Variants in PHKB observed in about 807,000 individuals in gnomAD.
PHKB encodes the protein phosphorylase b kinase regulatory subunit beta.
PHKB carries 122 observed loss-of-function variants against 152.1 expected under a neutral mutation model. That is an observed-to-expected ratio of 0.80 (90% CI 0.69 to 0.93). PHKB has a LOEUF of 0.93. PHKB is among the 40% of genes least tolerant of loss of function. PHKB has a pLI of 0.00. For missense variants in PHKB, 1,304 were observed against 1,328.4 expected, an observed-to-expected ratio of 0.98 and a Z score of 0.29; for synonymous variants, 436 against 464.9, an observed-to-expected ratio of 0.94 and a Z score of 0.80.
At chr16:47,638,438 C>A (rs1463381698) in intron 14 of PHKB, among the ~76,000 whole-genome samples, 1 of 152,210 alleles carries the variant, frequency 6.6e-6, no homozygotes, top group Non-Finnish European at 1.5e-5. Context: ...ACTTTGTTCT[C>A]TCCCTAAGTC....
intron 1 of PHKB, among the ~76,000 whole-genome samples, chr16:47,478,705 C>T (rs1057347818): frequency 1.3e-5 from 2 of 151,912 alleles, no homozygotes; most frequent in African/African-American, 4.8e-5. Context: ...GTGGTAAATG[C>T]TCTGATATTG....
chr16:47,497,203 T>C (rs1970246353), intron 1 of PHKB, among the ~76,000 whole-genome samples, 196 bp from the exon 2 acceptor site: 1 of 152,176 alleles, frequency 6.6e-6, no homozygotes, highest in African/African-American at 2.4e-5. Flanking sequence ...TTCAAGTTCT[T>C]CTGTATTTAT....
intron 6 of PHKB, among the ~76,000 whole-genome samples, chr16:47,521,138 C>T (rs141238998): frequency 5.3e-5 from 8 of 152,202 alleles, no homozygotes; most frequent in Admixed American, 6.5e-5. Flanking sequence ...AAGCTTTAAT[C>T]GTTTTTATGA....
intron 12 of PHKB, among the ~76,000 whole-genome samples, chr16:47,595,453 A>G (rs1477755494): frequency 2.0e-5 from 3 of 152,210 alleles, no homozygotes; most frequent in Non-Finnish European, 4.4e-5. Flanking sequence ...TATATCATCC[A>G]CAAAGATTCT....
intron 14 of PHKB, among the ~76,000 whole-genome samples, chr16:47,615,188 C>T (rs1972493751): frequency 6.6e-6 from 1 of 152,132 alleles, no homozygotes; most frequent in South Asian, 2.1e-4. Flanking sequence ...CTACCAGGCT[C>T]AGGTGACATG....
At chr16:47,572,900 G>A (rs1239164700) in intron 7 of PHKB, among the ~76,000 whole-genome samples, 2 of 152,196 alleles carry the variant, frequency 1.3e-5, no homozygotes, top group African/African-American at 4.8e-5. Flanking sequence ...AGAGGGCTGT[G>A]TCAGTTGACC....
At chr16:47,689,534 TG>T (rs1974024394) in intron 27 of PHKB, among the ~76,000 whole-genome samples, 1 of 152,188 alleles carries the variant, frequency 6.6e-6, no homozygotes, top group Non-Finnish European at 1.5e-5. Flanking sequence ...CAGATAGGAT[TG>T]GGTTTGGTAA....
At chr16:47,670,071 A>G (rs572999469) in intron 26 of PHKB, among the ~76,000 whole-genome samples, 1 of 152,322 alleles carries the variant, frequency 6.6e-6, no homozygotes, top group South Asian at 2.1e-4. Flanking sequence ...CTTTAATACC[A>G]GTTTGTTTGT....
chr16:47,503,211 G>C (rs1970353556), intron 4 of PHKB, 121 bp downstream of exon 4: 5 of 778,588 alleles, frequency 6.4e-6, no homozygotes, highest in Non-Finnish European at 1.1e-5. Flanking sequence ...ACATCCTAGG[G>C]CGGCCTAGAT....
chr16:47,608,501 C>T (rs554150554), intron 13 of PHKB, among the ~76,000 whole-genome samples: 1 of 152,250 alleles, frequency 6.6e-6, no homozygotes, highest in South Asian at 2.1e-4. Context: ...GGTTTGAGGC[C>T]AAGAGTTTGA....
chr16:47,616,627 AAT>A (rs1972523078), intron 14 of PHKB, among the ~76,000 whole-genome samples: 2 of 145,598 alleles, frequency 1.4e-5, no homozygotes, highest in Admixed American at 6.9e-5. Flanking sequence ...ATCATATATT[AAT>A]ATATGATATT....
At chr16:47,475,939 C>T (rs1325802913) in intron 1 of PHKB, among the ~76,000 whole-genome samples, 2 of 152,162 alleles carry the variant, frequency 1.3e-5, no homozygotes, top group Non-Finnish European at 2.9e-5. Flanking sequence ...GCAGTCATAG[C>T]TCATTGCAGC....
rs376885414 is a variant in PHKB, at chr16:47,526,052, T to C, written c.594+10451T>C. Among the ~76,000 whole-genome samples the C allele has an allele frequency of 8.7e-4, 133 of 152,136 alleles. 1 individual carries two copies. The highest frequency in any genetic ancestry group is 2.9e-3 in the African/African-American group (119 of 41,496). On this transcript the variant is annotated intron_variant, in intron 6 of 30. Coordinates refer to ENST00000323584, the MANE Select transcript of PHKB (RefSeq NM_000293.3). ...GCTAATCCGGGAAGTGGTTGGGGTA[T>C]AGATCTGCTACTCAAGAAGAACTAA...
chr16:47,647,761 T>C (rs1272184157), intron 16 of PHKB, among the ~76,000 whole-genome samples: 1 of 152,170 alleles, frequency 6.6e-6, no homozygotes, highest in African/African-American at 2.4e-5. Flanking sequence ...CTTCCCAAAG[T>C]GCTGGGATTA....
In PHKB at chr16:47,600,619, G is replaced by A. The variant is rs1445689389; in HGVS notation, c.1363+4088G>A. On this transcript the variant is annotated intron_variant, in intron 13 of 30. Coordinates refer to ENST00000323584, the MANE Select transcript of PHKB (RefSeq NM_000293.3). ...TGTCATTAGGTGATTTTTAGCCTAC[G>A]ACGTACCTAGCCTATATGATATAGC... Among the ~76,000 whole-genome samples the A allele has an allele frequency of 6.6e-5, 10 of 152,248 alleles. No individual in the cohort carries two copies. The South Asian group carries it at 1.0e-3, about 16-fold the overall frequency.
intron 19 of PHKB, 30 bp from the exon 20 acceptor site, chr16:47,650,801 C>A: frequency 6.7e-7 from 1 of 1,496,578 alleles, no homozygotes; most frequent in Non-Finnish European, 9.3e-7. Context: ...TGTTGTTAAT[C>A]TGTACATTTT....
At chr16:47,689,420 C>T (rs1974022177) in intron 27 of PHKB, among the ~76,000 whole-genome samples, 1 of 152,120 alleles carries the variant, frequency 6.6e-6, no homozygotes. Context: ...AGCATTTCTT[C>T]ATTTTTATTA....
At chr16:47,500,529 A>G (rs1970307363) in intron 3 of PHKB, among the ~76,000 whole-genome samples, 1 of 152,218 alleles carries the variant, frequency 6.6e-6, no homozygotes, top group Non-Finnish European at 1.5e-5. Flanking sequence ...GTTGCAGATA[A>G]TAAAATTAGA....
At chr16:47,660,320 GT>G (rs199615693) in intron 20 of PHKB, among the ~76,000 whole-genome samples, 185 bp from the exon 21 acceptor site, 8 of 151,680 alleles carry the variant, frequency 5.3e-5, no homozygotes, top group Admixed American at 3.9e-4. Flanking sequence ...CTATTTTAGG[GT>G]TTTTTTTGTG....
Sources: gnomAD v4.1 joint callset for allele counts (sites outside exome capture counted in the v4.1 genomes callset) on GRCh38, gnomAD v4.1.1 for gene constraint, MANE v1.5 for transcripts, NCBI Gene and HGNC (gene_info 2026-07-23, HGNC 2026-07-21) for gene names.